The following SHC4 variants were observed in gnomAD, a reference collection of about 807,000 sequenced individuals.
SHC4 encodes SHC-transforming protein 4.
SHC4 carries 41 observed loss-of-function variants against 69.4 expected under a neutral mutation model. That is an observed-to-expected ratio of 0.59 (90% CI 0.46 to 0.77). The LOEUF is 0.77. SHC4 is among the 30% of genes least tolerant of loss of function. The probability of loss-of-function intolerance (pLI) is 0.00; values close to 1 mark genes in which losing one functional copy is unlikely to be tolerated. For synonymous variants in SHC4, 318 were observed against 299.3 expected (o/e 1.06, Z -0.64); for missense variants, 777 against 783.8 (o/e 0.99, Z 0.10).
At chr15:48,887,076 C>T (rs1900049108) in intron 3 of SHC4, among the ~76,000 whole-genome samples, 1 of 152,192 alleles carries the variant, frequency 6.6e-6, no homozygotes, top group Non-Finnish European at 1.5e-5. Context: ...ACCCCCAGTT[C>T]TTTTGGTTAT....
At chr15:48,918,694 C>T (rs1024272478) in intron 2 of SHC4, among the ~76,000 whole-genome samples, 22 of 152,020 alleles carry the variant, frequency 1.4e-4, no homozygotes, top group African/African-American at 5.1e-4. Context: ...TATTTGAGCT[C>T]CTGAGAAAAA....
chr15:48,913,997 T>C (rs1015505161), intron 2 of SHC4, among the ~76,000 whole-genome samples: 1 of 152,214 alleles, frequency 6.6e-6, no homozygotes, highest in Non-Finnish European at 1.5e-5. Flanking sequence ...TCAGAGGGTC[T>C]GTGGGTCCTC....
chr15:48,887,252 C>T (rs1438211325), intron 3 of SHC4, among the ~76,000 whole-genome samples: 1 of 152,084 alleles, frequency 6.6e-6, no homozygotes, highest in East Asian at 1.9e-4. Flanking sequence ...TGGCTCCCTC[C>T]CCCCAGGGCA....
At chr15:48,902,167 C>T (rs1468485298) in intron 2 of SHC4, among the ~76,000 whole-genome samples, 1 of 148,734 alleles carries the variant, frequency 6.7e-6, no homozygotes, top group Admixed American at 6.8e-5. Context: ...TGTGCCACTG[C>T]ACTCCAGCCT....
Position 48,857,784 on chromosome 15 carries a change from C to A in SHC4, c.978G>T (p.Met326Ile). The A allele has an allele frequency of 6.3e-7, 1 of 1,588,226 alleles. No homozygotes were observed. Among genetic ancestry groups the A allele is most frequent in the Non-Finnish European group, 8.6e-7 (1 of 1,165,850 alleles). ...ACHILECHNG[M>I]AQDVISTIGQ... ...CTATGGTACTTATGACGTCTTGGGCCATTCCATTGTGGCATTCCAATATGT... is the reference window on the plus strand; with the variant it reads ...CTATGGTACTTATGACGTCTTGGGCAATTCCATTGTGGCATTCCAATATGT... The change falls in exon 7 of 12, where the codon ATG becomes ATT. Residue 326 changes from methionine to isoleucine, a missense_variant. Met to Ile is a conservative substitution (Grantham distance 10). Transcript: ENST00000332408.
intron 2 of SHC4, among the ~76,000 whole-genome samples, chr15:48,923,286 T>C (rs2141023671): frequency 6.6e-6 from 1 of 152,318 alleles, no homozygotes; most frequent in Non-Finnish European, 1.5e-5. Flanking sequence ...GTGTAGTGGC[T>C]CACGCCTCAA....
intron 6 of SHC4, among the ~76,000 whole-genome samples, chr15:48,862,326 C>T (rs1310012360): frequency 6.6e-6 from 1 of 151,994 alleles, no homozygotes; most frequent in African/African-American, 2.4e-5. Flanking sequence ...GACTGCCACA[C>T]ATTTGGAGTA....
intron 4 of SHC4, among the ~76,000 whole-genome samples, chr15:48,875,642 G>T (rs1443051045): frequency 3.3e-5 from 5 of 152,208 alleles, no homozygotes; most frequent in Non-Finnish European, 7.3e-5. Flanking sequence ...ATGCACTTTT[G>T]TTGCCAACCA....
chr15:48,881,375 C>CAAAA (rs34708269), intron 4 of SHC4, among the ~76,000 whole-genome samples: 1 of 109,042 alleles, frequency 9.2e-6, no homozygotes, highest in Non-Finnish European at 2.0e-5. Flanking sequence ...AAAAACAAAG[C>CAAAA]AAAAAAAAAA....
intron 2 of SHC4, among the ~76,000 whole-genome samples, chr15:48,907,560 C>T (rs895583736): frequency 3.9e-5 from 6 of 151,972 alleles, no homozygotes; most frequent in African/African-American, 1.5e-4. Flanking sequence ...CTCTCATCCC[C>T]TCCCTCCCTT....
intron 11 of SHC4, among the ~76,000 whole-genome samples, chr15:48,828,095 G>GTA (rs1233875682): frequency 8.8e-5 from 8 of 91,390 alleles, no homozygotes; most frequent in Non-Finnish European, 1.4e-4. Flanking sequence ...ATGTATGTAT[G>GTA]TGTGTGTGTG....
chr15:48,839,100 A>G (rs1009731654), intron 10 of SHC4, among the ~76,000 whole-genome samples: 6 of 152,184 alleles, frequency 3.9e-5, no homozygotes, highest in African/African-American at 1.4e-4. Flanking sequence ...TAATAAACCT[A>G]AAAGAGGACT....
intron 11 of SHC4, among the ~76,000 whole-genome samples, chr15:48,829,937 A>G (rs547225969): frequency 1.6e-4 from 24 of 152,276 alleles, no homozygotes; most frequent in African/African-American, 5.3e-4. Context: ...AAATAAATAA[A>G]ATAAAGTGAG....
At position 48,962,600 on chromosome 15, in the gene SHC4, C is replaced by T; in HGVS notation, c.416G>A (p.Arg139Lys). 1 of 1,613,944 alleles carries T rather than the reference C, an allele frequency of 6.2e-7. No homozygotes were observed. The highest frequency in any genetic ancestry group is 1.7e-5 in the Admixed American group (1 of 60,006). ...GPSSPETSLS[R>K]SGTAPPPQQD... is the part of the protein sequence containing the mutation. ...CTGCGGTGGAGGTGCAGTCCCGGAC[C>T]TACTTAAACTGGTTTCTGGGGAAGA... The change falls in exon 1 of 12, where the codon AGG (arginine) becomes AAG (lysine). Residue 139 changes from arginine (R) to lysine (K), a missense_variant. Physicochemically the swap from Arg to Lys is conservative, Grantham distance 26 (BLOSUM62 2). Transcript: ENST00000332408.
intron 11 of SHC4, among the ~76,000 whole-genome samples, chr15:48,826,542 C>A (rs1375897009): frequency 3.9e-5 from 6 of 152,114 alleles, no homozygotes; most frequent in African/African-American, 1.4e-4. Context: ...ACTCTGTAGT[C>A]CCTAGTCAAC....
At chr15:48,851,114 G>T in intron 9 of SHC4, 74 bp downstream of exon 9, 1 of 1,447,830 alleles carries the variant, frequency 6.9e-7, no homozygotes, top group Non-Finnish European at 9.6e-7. Flanking sequence ...GTATTTAAGA[G>T]CAAGGGCCAC....
intron 4 of SHC4, chr15:48,876,507 G>GTA (rs1348630325): frequency 7.0e-6 from 4 of 569,542 alleles, no homozygotes; most frequent in South Asian, 2.3e-5. Context: ...ACATATATAT[G>GTA]TATATATATG....
intron 6 of SHC4, among the ~76,000 whole-genome samples, chr15:48,862,488 T>C (rs749320775): frequency 2.0e-5 from 3 of 152,136 alleles, no homozygotes; most frequent in Admixed American, 6.6e-5. Flanking sequence ...CTAGCCAAGA[T>C]GGAAAAAGTG....
chr15:48,862,848 C>T (rs1373264247), intron 6 of SHC4, among the ~76,000 whole-genome samples: 1 of 152,134 alleles, frequency 6.6e-6, no homozygotes, highest in Non-Finnish European at 1.5e-5. Flanking sequence ...TTCCTCCTGT[C>T]CCCTGACTAC....
Sources: gnomAD v4.1 joint callset for allele counts (sites outside exome capture counted in the v4.1 genomes callset) on GRCh38, gnomAD v4.1.1 for gene constraint, MANE v1.5 for transcripts, NCBI Gene and HGNC (gene_info 2026-07-23, HGNC 2026-07-21) for gene names.